DAB1: variants seen among roughly 807,000 people sequenced by gnomAD.
DAB1 encodes the protein DAB adaptor protein 1.
In DAB1, 15 loss-of-function variants were observed where a neutral mutation model predicts 64.6. The ratio of observed to expected loss-of-function variants is 0.23; its 90% CI spans 0.16 to 0.36. The LOEUF (loss-of-function observed/expected upper bound fraction) is 0.36, where lower values mean the gene tolerates loss of function less well. Among genes scored for constraint, DAB1 ranks in the 10% least tolerant of loss-of-function variants. DAB1 has a pLI of 1.00. For synonymous variants in DAB1, 235 were observed against 251.9 expected (o/e 0.93, Z 0.64); for missense variants, 596 against 706.7 (o/e 0.84, Z 1.78).
intron 4 of DAB1, among the ~76,000 whole-genome samples, chr1:58,180,049 A>G (rs943770647): frequency 4.6e-5 from 7 of 152,024 alleles, no homozygotes; most frequent in Non-Finnish European, 1.0e-4. Flanking sequence ...GGGTTAAAGT[A>G]TATAGGTGGT....
At chr1:57,549,441 G>A (rs894174081) in intron 7 of DAB1, among the ~76,000 whole-genome samples, 6 of 152,152 alleles carry the variant, frequency 3.9e-5, no homozygotes, top group Non-Finnish European at 5.9e-5. Flanking sequence ...CCTTCAAGCC[G>A]GGGCATTTTA....
At chr1:58,527,476 C>T in intron 1 of DAB1, 3 of 578,240 alleles carry the variant, frequency 5.2e-6, no homozygotes, top group East Asian at 2.8e-5. Flanking sequence ...TAAAATAACT[C>T]CATGATATAA....
intron 6 of DAB1, among the ~76,000 whole-genome samples, chr1:57,747,548 G>A (rs1648334545): frequency 6.6e-6 from 1 of 151,980 alleles, no homozygotes; most frequent in South Asian, 2.1e-4. Flanking sequence ...GGTGGCTCAC[G>A]CCTGTAATCC....
intron 6 of DAB1, among the ~76,000 whole-genome samples, chr1:57,701,577 A>C (rs1052132068): frequency 6.6e-6 from 1 of 152,110 alleles, no homozygotes; most frequent in Admixed American, 6.6e-5. Flanking sequence ...TAGCATTAGG[A>C]GATATACCTA....
At chr1:57,653,447 A>G (rs1646279606) in intron 6 of DAB1, among the ~76,000 whole-genome samples, 1 of 152,142 alleles carries the variant, frequency 6.6e-6, no homozygotes, top group Non-Finnish European at 1.5e-5. Flanking sequence ...TCACGTGTTT[A>G]TATTTTAGCC....
chr1:57,252,393 T>C (rs547134576), intron 2 of DAB1, among the ~76,000 whole-genome samples: 127 of 152,286 alleles, frequency 8.3e-4, no homozygotes, highest in African/African-American at 2.9e-3. Context: ...CCATTGATAA[T>C]AACAATAAAC....
chr1:57,607,284 A>T (rs1052678902), intron 7 of DAB1, among the ~76,000 whole-genome samples: 1 of 152,184 alleles, frequency 6.6e-6, no homozygotes, highest in African/African-American at 2.4e-5. Context: ...AAAAGTTACT[A>T]ATGTGAACGT....
At chr1:57,497,265 T>G (rs902679555) in intron 7 of DAB1, among the ~76,000 whole-genome samples, 1 of 152,250 alleles carries the variant, frequency 6.6e-6, no homozygotes, top group Non-Finnish European at 1.5e-5. Context: ...TATGTTTATT[T>G]ACTTGTTTAA....
At chr1:58,493,224 T>G (rs1236054557) in intron 3 of DAB1, among the ~76,000 whole-genome samples, 5 of 152,144 alleles carry the variant, frequency 3.3e-5, no homozygotes, top group Non-Finnish European at 7.4e-5. Flanking sequence ...CAGCCCTTCA[T>G]GCTAAAAACT....
chr1:57,492,343 G>A lies in DAB1; in HGVS notation n.625+157249C>T, dbSNP rs185330955. ...CCAAGTTACTCAGCTTCTCTAAACTGCAGTTTCTTTTTCTTAAAAATGGGG... is the reference window on the plus strand; with the variant it reads ...CCAAGTTACTCAGCTTCTCTAAACTACAGTTTCTTTTTCTTAAAAATGGGG... On this transcript the variant is annotated intron_variant and non_coding_transcript_variant, in intron 7 of 20. Coordinates refer to the DAB1 transcript ENST00000485760. 2.0e-5 allele frequency among the ~76,000 whole-genome samples: 3 copies of A among 152,292 alleles called. No homozygotes were observed. The East Asian group carries it at 5.8e-4, about 29-fold the overall frequency.
At chr1:58,312,383 T>C (rs931958633) in intron 4 of DAB1, among the ~76,000 whole-genome samples, 1 of 152,208 alleles carries the variant, frequency 6.6e-6, no homozygotes, top group Non-Finnish European at 1.5e-5. Flanking sequence ...AACCAGATAC[T>C]AGGATGTGGC....
intron 3 of DAB1, among the ~76,000 whole-genome samples, chr1:58,426,978 C>CAT (rs1333953333): frequency 6.6e-6 from 1 of 152,140 alleles, no homozygotes; most frequent in Non-Finnish European, 1.5e-5. Flanking sequence ...GAGGTGAGGG[C>CAT]ATATTCACCT....
At chr1:57,986,533 C>A (rs1048756872) in intron 5 of DAB1, among the ~76,000 whole-genome samples, 13 of 152,272 alleles carry the variant, frequency 8.5e-5, no homozygotes, top group Non-Finnish European at 1.6e-4. Context: ...TTTATGATAG[C>A]AGCCACAATG....
At chr1:57,360,092 C>G (rs1200848371) in intron 1 of DAB1, among the ~76,000 whole-genome samples, 2 of 151,966 alleles carry the variant, frequency 1.3e-5, no homozygotes, top group Admixed American at 6.6e-5. Flanking sequence ...TGATATTATG[C>G]ACTCTCACCA....
In DAB1 at chr1:58,344,707, C is replaced by T. The variant is rs185887058; in HGVS notation, n.258-1304G>A. Reference sequence around the variant, plus strand: ...TTTTCTATTCTTTTGGCAGATGAAACTGTGTGTTGGTTTAAATACCATTGA... The same window carrying T: ...TTTTCTATTCTTTTGGCAGATGAAATTGTGTGTTGGTTTAAATACCATTGA... On this transcript the variant is annotated intron_variant and non_coding_transcript_variant, in intron 3 of 20. Coordinates refer to the DAB1 transcript ENST00000485760. Among the ~76,000 whole-genome samples the T allele has an allele frequency of 5.9e-5, 9 of 152,232 alleles. No individual in the cohort carries two copies. The East Asian group carries it at 1.7e-3, about 29-fold the overall frequency.
chr1:57,827,307 T>C (rs1412222812), intron 1 of DAB1, among the ~76,000 whole-genome samples: 1 of 152,210 alleles, frequency 6.6e-6, no homozygotes, highest in East Asian at 1.9e-4. Context: ...CTAGGACCCA[T>C]TGGTCAGGAA....
chr1:57,193,387 T>G (rs1028331355), intron 2 of DAB1, among the ~76,000 whole-genome samples: 1 of 131,956 alleles, frequency 7.6e-6, no homozygotes, highest in African/African-American at 2.9e-5. Flanking sequence ...ATATGTTTTT[T>G]TTTTTTTTTT....
chr1:58,402,668 G>A (rs1487713316), intron 3 of DAB1, among the ~76,000 whole-genome samples: 1 of 152,020 alleles, frequency 6.6e-6, no homozygotes, highest in African/African-American at 2.4e-5. Flanking sequence ...GAGAGGGAGA[G>A]AGGGTGATTT....
At chr1:57,024,433 A>T (rs1646720744) in intron 10 of DAB1, among the ~76,000 whole-genome samples, 1 of 152,116 alleles carries the variant, frequency 6.6e-6, no homozygotes, top group South Asian at 2.1e-4. Context: ...ACAGAGTGTA[A>T]ATCTGTTCGA....
Sources: gnomAD v4.1 joint callset for allele counts (sites outside exome capture counted in the v4.1 genomes callset) on GRCh38, gnomAD v4.1.1 for gene constraint, MANE v1.5 for transcripts, NCBI Gene and HGNC (gene_info 2026-07-23, HGNC 2026-07-21) for gene names.